Variants in ZSWIM5 observed in about 807,000 individuals in gnomAD.
The protein encoded by ZSWIM5 is zinc finger SWIM domain-containing protein 5.
A neutral mutation model predicts 119.6 loss-of-function variants in ZSWIM5; 55 were observed. That is an observed-to-expected ratio of 0.46 (90% CI 0.37 to 0.58). The LOEUF is 0.58. Ranked by LOEUF, ZSWIM5 falls within the 20% of genes least tolerant of loss-of-function variation. ZSWIM5 has a pLI of 0.00. For missense variants in ZSWIM5, 1,193 were observed against 1,512.8 expected (o/e 0.79, Z 3.51); for synonymous variants, 537 against 606.9 (o/e 0.88, Z 1.69).
intron 1 of ZSWIM5, among the ~76,000 whole-genome samples, chr1:45,205,035 A>C (rs1410638994): frequency 6.6e-6 from 1 of 152,142 alleles, no homozygotes; most frequent in Admixed American, 6.5e-5. Flanking sequence ...GTTAAATGAG[A>C]AGCTTTTGAA....
At chr1:45,123,452 GAATAC>G (rs1484243543) in intron 1 of ZSWIM5, among the ~76,000 whole-genome samples, 2 of 152,048 alleles carry the variant, frequency 1.3e-5, no homozygotes, top group Non-Finnish European at 2.9e-5. Flanking sequence ...TAAAACAGAA[GAATAC>G]AATAACTGAA....
intron 1 of ZSWIM5, among the ~76,000 whole-genome samples, chr1:45,102,642 A>G (rs1490834358): frequency 1.3e-5 from 2 of 152,196 alleles, no homozygotes; most frequent in Non-Finnish European, 2.9e-5. Context: ...TGAATGAATA[A>G]ATGAACACTA....
chr1:45,129,615 C>T (rs1645642924), intron 1 of ZSWIM5, among the ~76,000 whole-genome samples: 1 of 152,120 alleles, frequency 6.6e-6, no homozygotes, highest in South Asian at 2.1e-4. Flanking sequence ...TTACCTGCTT[C>T]CTTCAACCTT....
intron 1 of ZSWIM5, among the ~76,000 whole-genome samples, chr1:45,171,417 A>C (rs1453421010): frequency 6.6e-6 from 1 of 152,120 alleles, no homozygotes; most frequent in Non-Finnish European, 1.5e-5. Context: ...AAATCAATTG[A>C]ATTTGAATTA....
rs186041006 is a variant in ZSWIM5, at chr1:45,108,168, T to C, written c.596-19931A>G. On this transcript the variant is annotated intron_variant, in intron 1 of 13. Coordinates refer to ENST00000359600, the MANE Select transcript of ZSWIM5 (RefSeq NM_020883.2). The stretch of plus-strand genomic sequence containing the variant: ...AAAAATAAATCACCCTCCTCAAGCA[T>C]TTCTTTGGAGAAATAATGTGCACAC... 5.3e-5 allele frequency among the ~76,000 whole-genome samples: 8 copies of C among 152,308 alleles called. No individual in the cohort carries two copies. In the East Asian group the frequency reaches 1.2e-3, roughly 22 times the overall value.
chr1:45,020,247 A>C (rs1644878776), intron 12 of ZSWIM5, 100 bp from the exon 13 acceptor site: 2 of 961,370 alleles, frequency 2.1e-6, no homozygotes, highest in Non-Finnish European at 3.3e-6. Context: ...CTGGTGCTTT[A>C]AACAGTGGTC....
chr1:45,158,310 A>G (rs1645843471), intron 1 of ZSWIM5, among the ~76,000 whole-genome samples: 1 of 152,252 alleles, frequency 6.6e-6, no homozygotes, highest in South Asian at 2.1e-4. Flanking sequence ...CTGGGATTAC[A>G]GGTGTGTGCC....
chr1:45,198,891 T>A (rs1646141617), intron 1 of ZSWIM5, among the ~76,000 whole-genome samples: 1 of 152,224 alleles, frequency 6.6e-6, no homozygotes, highest in Admixed American at 6.5e-5. Flanking sequence ...TACTTTTAAT[T>A]TTTATCCTTT....
intron 1 of ZSWIM5, among the ~76,000 whole-genome samples, chr1:45,103,765 T>A (rs1645453980): frequency 6.6e-6 from 1 of 152,244 alleles, no homozygotes; most frequent in African/African-American, 2.4e-5. Flanking sequence ...GAGTGAATCA[T>A]CTGCTTAGAG....
At chr1:45,136,596 T>C (rs1346906515) in intron 1 of ZSWIM5, among the ~76,000 whole-genome samples, 1 of 152,180 alleles carries the variant, frequency 6.6e-6, no homozygotes, top group East Asian at 1.9e-4. Flanking sequence ...TTTGCATAAC[T>C]GGTTATTTTT....
intron 1 of ZSWIM5, among the ~76,000 whole-genome samples, chr1:45,181,689 A>G (rs970460079): frequency 2.0e-5 from 3 of 152,260 alleles, no homozygotes; most frequent in South Asian, 2.1e-4. Flanking sequence ...GAGAAAGGTC[A>G]GGTTACCCAC....
chr1:45,088,269 G>C lies in ZSWIM5; in HGVS notation c.596-32C>G. ...AAACACAAAAGAAACTGTGTTTAGA[G>C]ATTCTAGAGTAATAAACTTAGATTC... On this transcript the variant is annotated intron_variant, in intron 1 of 13. Coordinates refer to ENST00000359600, the MANE Select transcript of ZSWIM5 (RefSeq NM_020883.2). This position sits in a 1 kb window ranked among gnomAD's most constrained non-coding sequence, Gnocchi z 4.2. The C allele has an allele frequency of 6.9e-7, 1 of 1,444,998 alleles. No homozygotes were observed. Among genetic ancestry groups the C allele is most frequent in the Non-Finnish European group, 9.4e-7 (1 of 1,064,266 alleles). The allele number at this position is 1,444,998 out of a possible 1,614,324, so 89.5% of individuals were successfully genotyped here.
At chr1:45,137,723 C>T (rs906762002) in intron 1 of ZSWIM5, among the ~76,000 whole-genome samples, 1 of 152,114 alleles carries the variant, frequency 6.6e-6, no homozygotes, top group Non-Finnish European at 1.5e-5. Flanking sequence ...GCAGGATGAG[C>T]TAGTGGGACA....
chr1:45,061,809 G>T (rs1194823008), intron 2 of ZSWIM5, among the ~76,000 whole-genome samples: 4 of 147,760 alleles, frequency 2.7e-5, no homozygotes, highest in Admixed American at 6.8e-5. Context: ...ATACATTATT[G>T]GTTGGGTGCA....
At chr1:45,053,656 A>G (rs941440129) in intron 4 of ZSWIM5, among the ~76,000 whole-genome samples, 4 of 149,092 alleles carry the variant, frequency 2.7e-5, no homozygotes, top group African/African-American at 9.8e-5. Flanking sequence ...CCAGTTACTC[A>G]GGTGGCCAAG....
At chr1:45,175,167 C>G (rs566000923) in intron 1 of ZSWIM5, among the ~76,000 whole-genome samples, 1 of 151,994 alleles carries the variant, frequency 6.6e-6, no homozygotes, top group Non-Finnish European at 1.5e-5. Flanking sequence ...GAAGAATGTC[C>G]CTCAGTAGTG....
Position 45,018,225 on chromosome 1 carries a change from G to A in ZSWIM5, c.*229C>T, listed in dbSNP as rs1189361310. On this transcript the variant is annotated 3_prime_UTR_variant, in exon 14 of 14. Transcript: ENST00000359600. This position sits in a 1 kb window ranked among gnomAD's most constrained non-coding sequence, Gnocchi z 6.7. ...GTGGCATGTTGTGGGGTTTCTGGTC[G>A]ATCTGCAGGGCCCAGCTCCTCCATG... 4 of 588,128 alleles carry A rather than the reference G, an allele frequency of 6.8e-6. No homozygotes were observed. Among genetic ancestry groups the A allele is most frequent in the African/African-American group, 3.7e-5 (2 of 53,580 alleles). The allele number at this position is 588,128 out of a possible 1,614,324, so 36.4% of individuals were successfully genotyped here.
chr1:45,146,390 GA>G (rs750819671), intron 1 of ZSWIM5, among the ~76,000 whole-genome samples: 530 of 42,484 alleles, frequency 0.012, 4 homozygotes, highest in Non-Finnish European at 0.021. Flanking sequence ...TAACTGATTT[GA>G]AAAAAAAAAA....
At chr1:45,168,796 T>C (rs182409804) in intron 1 of ZSWIM5, among the ~76,000 whole-genome samples, 135 of 152,094 alleles carry the variant, frequency 8.9e-4, no homozygotes, top group African/African-American at 3.0e-3. Flanking sequence ...TTTTAAAAAT[T>C]AGAAAATGTG....
Sources: allele counts gnomAD v4.1 joint callset (sites outside exome capture counted in the v4.1 genomes callset), GRCh38; gene constraint gnomAD v4.1.1; non-coding constraint Gnocchi (gnomAD v3.1); transcripts MANE v1.5; gene names NCBI Gene and HGNC (gene_info 2026-07-23, HGNC 2026-07-21).